The following AAK1 variants were observed in gnomAD, a reference collection of about 807,000 sequenced individuals.
The protein encoded by AAK1 is AP2-associated protein kinase 1.
AAK1 carries 37 observed loss-of-function variants against 116.0 expected under a neutral mutation model. The ratio of observed to expected loss-of-function variants is 0.32; its 90% CI spans 0.25 to 0.42. The LOEUF (loss-of-function observed/expected upper bound fraction) is 0.42, where lower values mean the gene tolerates loss of function less well. AAK1 is among the 10% of genes least tolerant of loss of function. AAK1 has a pLI of 1.00. For missense variants in AAK1, 919 were observed against 1,170.6 expected (o/e 0.79, Z 3.14); for synonymous variants, 458 against 439.9 (o/e 1.04, Z -0.51).
chr2:69,514,331 A>G, intron 13 of AAK1, 140 bp downstream of exon 13: 1 of 1,126,708 alleles, frequency 8.9e-7, no homozygotes, highest in Non-Finnish European at 1.2e-6. Context: ...TATATCAAGG[A>G]AAGATCAAAT....
At chr2:69,502,994 C>T (rs187142238) in intron 16 of AAK1, among the ~76,000 whole-genome samples, 3 of 152,218 alleles carry the variant, frequency 2.0e-5, no homozygotes, top group Admixed American at 1.3e-4. Context: ...TATTTATTGA[C>T]GTGGAAACTG....
chr2:69,536,971 A>G (rs537762283), intron 5 of AAK1, among the ~76,000 whole-genome samples: 15 of 152,364 alleles, frequency 9.8e-5, no homozygotes, highest in African/African-American at 3.6e-4. Flanking sequence ...GTGCATGTTA[A>G]GCCTTAACCC....
At chr2:69,545,569 A>C (rs971201023) in intron 3 of AAK1, among the ~76,000 whole-genome samples, 2 of 152,232 alleles carry the variant, frequency 1.3e-5, no homozygotes, top group Admixed American at 1.3e-4. Context: ...AATTAGATTC[A>C]GCTGTTTACA....
intron 2 of AAK1, among the ~76,000 whole-genome samples, chr2:69,624,025 G>A (rs764234763): frequency 2.6e-5 from 4 of 152,014 alleles, no homozygotes; most frequent in African/African-American, 7.3e-5. Flanking sequence ...AAACAGAGAG[G>A]GAGGGAAGGA....
Position 69,544,508 on chromosome 2 carries a change from T to C in AAK1, c.319A>G (p.Ile107Val), listed in dbSNP as rs750948349. Residue 107 changes from isoleucine (I) to valine (V), a missense_variant, in exon 4 of 22, where the codon ATT (isoleucine) becomes GTT (valine). Physicochemically the swap from Ile to Val is conservative, Grantham distance 29. Transcript: ENST00000409085. Reference protein sequence around the residue: ...LSGHKNIVGYIDSSINNVSSG... With the variant: ...LSGHKNIVGYVDSSINNVSSG... ...CTCACGTTGTTGATACTAGAATCAA[T>C]GTAACCCACAATATTCTTGTGCCCT... The C allele has an allele frequency of 5.0e-6, 8 of 1,613,728 alleles. No homozygotes were observed. Among genetic ancestry groups the C allele is most frequent in the African/African-American group, 1.3e-5 (1 of 74,940 alleles).
At chr2:69,641,190 C>T (rs1409837990) in intron 2 of AAK1, among the ~76,000 whole-genome samples, 1 of 152,188 alleles carries the variant, frequency 6.6e-6, no homozygotes, top group Admixed American at 6.5e-5. Context: ...CAGCATCATC[C>T]GTGATGAGAC....
At chr2:69,619,238 A>C (rs1355501070) in intron 2 of AAK1, among the ~76,000 whole-genome samples, 2 of 152,170 alleles carry the variant, frequency 1.3e-5, no homozygotes, top group Non-Finnish European at 2.9e-5. Flanking sequence ...TCTCAGGAGT[A>C]TCCTCAGCCC....
intron 2 of AAK1, among the ~76,000 whole-genome samples, chr2:69,628,557 C>G (rs375489671): frequency 3.3e-5 from 5 of 152,164 alleles, no homozygotes; most frequent in East Asian, 3.8e-4. Context: ...GTTCTGTGAG[C>G]TAACCCTAGA....
chr2:69,599,917 A>G (rs1165625564), intron 2 of AAK1, among the ~76,000 whole-genome samples: 1 of 151,262 alleles, frequency 6.6e-6, no homozygotes, highest in Non-Finnish European at 1.5e-5. Flanking sequence ...AGTTGGAACT[A>G]CAAGTGTATG....
chr2:69,505,602 C>A lies in AAK1; in HGVS notation c.2236G>T (p.Ala746Ser). 2 of 1,613,694 alleles carry A rather than the reference C, an allele frequency of 1.2e-6. No homozygotes were observed. The highest frequency in any genetic ancestry group is 1.7e-6 in the Non-Finnish European group (2 of 1,179,758). The change falls in exon 16 of 22, where the codon GCT (alanine) becomes TCT (serine). Residue 746 changes from alanine (A) to serine (S), a missense_variant. Physicochemically the swap from Ala to Ser is moderately conservative, Grantham distance 99 (BLOSUM62 1). Coordinates refer to ENST00000409085, the MANE Select transcript of AAK1 (RefSeq NM_014911.5). ...GCAGAAAATGAGGTCGTAGCAAAAG[C>A]ATCACCTTGGGTTGATTGAAAGCCT... Reference protein sequence around the residue: ...IPGFQSTQGDAFATTSFSAGT... With the variant: ...IPGFQSTQGDSFATTSFSAGT...
At chr2:69,611,158 G>C (rs1356421138) in intron 2 of AAK1, among the ~76,000 whole-genome samples, 1 of 152,194 alleles carries the variant, frequency 6.6e-6, no homozygotes, top group Non-Finnish European at 1.5e-5. Context: ...TGGACTACGA[G>C]GGGGAGACCC....
intron 2 of AAK1, among the ~76,000 whole-genome samples, chr2:69,576,123 T>C (rs1437676518): frequency 6.6e-6 from 1 of 152,122 alleles, no homozygotes; most frequent in African/African-American, 2.4e-5. Flanking sequence ...TCTCAGGCCC[T>C]GCCAGACCAC....
At chr2:69,611,167 C>T (rs895376010) in intron 2 of AAK1, among the ~76,000 whole-genome samples, 6 of 152,048 alleles carry the variant, frequency 3.9e-5, no homozygotes, top group Non-Finnish European at 5.9e-5. Flanking sequence ...AGGGGGAGAC[C>T]CACCCTCAAT....
chr2:69,469,133 A>G lies in AAK1; in HGVS notation c.*6736T>C. On this transcript the variant is annotated 3_prime_UTR_variant, in exon 22 of 22. Coordinates refer to ENST00000409085, the MANE Select transcript of AAK1 (RefSeq NM_014911.5). ...TTAAAGGGTTGTCCTGAGAAGGCCAAGTCCCTTAACCTTTCTATTCTTGTT... is the reference window on the plus strand; with the variant it reads ...TTAAAGGGTTGTCCTGAGAAGGCCAGGTCCCTTAACCTTTCTATTCTTGTT... 1.0e-6 allele frequency: 1 copy of G among 985,454 alleles called. No homozygotes were observed. Among genetic ancestry groups the G allele is most frequent in the Non-Finnish European group, 1.2e-6 (1 of 829,940 alleles). The allele number at this position is 985,454 out of a possible 1,614,324, so 61.0% of individuals were successfully genotyped here.
chr2:69,500,698 T>TATAC, intron 16 of AAK1, among the ~76,000 whole-genome samples: 1,754 of 64,864 alleles, frequency 0.027, 31 homozygotes, highest in Non-Finnish European at 0.034. Context: ...TATATATATA[T>TATAC]ACACACACAC....
Position 69,458,499 on chromosome 2 carries a change from G to A in AAK1, c.*17370C>T, listed in dbSNP as rs957448272. The A allele has an allele frequency of 6.6e-6, 1 of 152,634 alleles. No individual in the cohort carries two copies. Among genetic ancestry groups the A allele is most frequent in the African/African-American group, 2.4e-5 (1 of 41,438 alleles). The allele number at this position is 152,634 out of a possible 1,614,324, so 9.5% of individuals were successfully genotyped here. A position where few individuals can be genotyped will look rare whatever the true frequency, so the allele number is the denominator to read the frequency against. ...GTTTCATCCTTGTGGATAAGAAGAT[G>A]TGTACTTGGGAACAAGGCTAAAGCC... On this transcript the variant is annotated 3_prime_UTR_variant, in exon 22 of 22. Coordinates refer to ENST00000409085, the MANE Select transcript of AAK1 (RefSeq NM_014911.5).
chr2:69,636,890 A>T (rs1474821718), intron 2 of AAK1, among the ~76,000 whole-genome samples: 2 of 151,956 alleles, frequency 1.3e-5, no homozygotes, highest in Non-Finnish European at 2.9e-5. Flanking sequence ...ACTAGAGACG[A>T]GGTTTCACCA....
intron 21 of AAK1, among the ~76,000 whole-genome samples, chr2:69,476,292 G>C (rs1674854387): frequency 6.6e-6 from 1 of 152,070 alleles, no homozygotes; most frequent in Non-Finnish European, 1.5e-5. Context: ...CCAACTTCCT[G>C]ATAATATCAA....
At chr2:69,525,012 G>A (rs1572924219) in intron 10 of AAK1, 21 bp downstream of exon 10, 2 of 1,609,240 alleles carry the variant, frequency 1.2e-6, no homozygotes, top group Non-Finnish European at 1.7e-6. Flanking sequence ...GAGGACATGT[G>A]TTCATGAAGG....
Sources: gnomAD v4.1 joint callset for allele counts (sites outside exome capture counted in the v4.1 genomes callset) on GRCh38, gnomAD v4.1.1 for gene constraint, MANE v1.5 for transcripts, NCBI Gene and HGNC (gene_info 2026-07-23, HGNC 2026-07-21) for gene names.